The following FUT8 variants were observed in gnomAD, a reference collection of about 807,000 sequenced individuals.
FUT8 encodes alpha-(1,6)-fucosyltransferase.
FUT8 carries 29 observed loss-of-function variants against 71.3 expected under a neutral mutation model. The ratio of observed to expected loss-of-function variants is 0.41; its 90% CI spans 0.30 to 0.55. The LOEUF is 0.55. Ranked by LOEUF, FUT8 falls within the 20% of genes least tolerant of loss-of-function variation. The pLI is 0.34. For synonymous variants in FUT8, 254 were observed against 239.3 expected (o/e 1.06, Z -0.57); for missense variants, 544 against 702.1 (o/e 0.77, Z 2.55).
intron 3 of FUT8, among the ~76,000 whole-genome samples, chr14:65,581,111 A>T (rs1887067674): frequency 6.6e-6 from 1 of 152,000 alleles, no homozygotes; most frequent in South Asian, 2.1e-4. Context: ...TGCCTTTGGG[A>T]TGTAGGTGTT....
At chr14:65,570,316 TAGCTAGTTCAG>T (rs1249236445) in intron 3 of FUT8, among the ~76,000 whole-genome samples, 5 of 152,086 alleles carry the variant, frequency 3.3e-5, no homozygotes, top group Non-Finnish European at 5.9e-5. Context: ...AGTAAGAACA[TAGCTAGTTCAG>T]CCTGCTCTGG....
the FUT8 span, among the ~76,000 whole-genome samples, chr14:65,371,910 G>GTA: frequency 0.067 from 10,213 of 151,658 alleles, 1,086 homozygotes; most frequent in African/African-American, 0.23. Context: ...AGGAATGTAT[G>GTA]TATATATATA....
At chr14:65,704,842 C>T (rs1894479431) in intron 7 of FUT8, among the ~76,000 whole-genome samples, 2 of 152,196 alleles carry the variant, frequency 1.3e-5, no homozygotes, top group South Asian at 4.1e-4. Flanking sequence ...CTGCATAACT[C>T]ACTAAGATAT....
chr14:65,693,983 T>G (rs755014388), intron 7 of FUT8, among the ~76,000 whole-genome samples: 3 of 152,248 alleles, frequency 2.0e-5, no homozygotes, highest in Admixed American at 6.5e-5. Context: ...TACAGTGTTA[T>G]CCATAATATT....
chr14:65,364,459 TC>T, the FUT8 span, among the ~76,000 whole-genome samples: 1 of 152,172 alleles, frequency 6.6e-6, no homozygotes, highest in Non-Finnish European at 1.5e-5. Flanking sequence ...CGCCTCGGCC[TC>T]CCAAAGTGCT....
chr14:65,437,182 A>G (rs1220675029), intron 1 of FUT8, among the ~76,000 whole-genome samples: 2 of 152,214 alleles, frequency 1.3e-5, no homozygotes, highest in Admixed American at 6.5e-5. Context: ...TCAAGTTGCA[A>G]CTGCTTTTAC....
At chr14:65,412,647 T>C (rs924622928), upstream of FUT8, 7 of 222,682 alleles carry the variant, frequency 3.1e-5, no homozygotes, top group Non-Finnish European at 6.4e-5. Context: ...CCCTGGCACA[T>C]GCCAGGGTCG....
At chr14:65,372,169 T>C in the FUT8 span, among the ~76,000 whole-genome samples, 1 of 151,542 alleles carries the variant, frequency 6.6e-6, no homozygotes, top group Admixed American at 6.6e-5. Context: ...CCTCCTCCCC[T>C]ACACAAATTC....
At chr14:65,654,205 G>A (rs1388558412) in intron 6 of FUT8, among the ~76,000 whole-genome samples, 1 of 152,154 alleles carries the variant, frequency 6.6e-6, no homozygotes, top group African/African-American at 2.4e-5. Context: ...AAGTAGGAAG[G>A]TTTCTGCATT....
At chr14:65,686,112 C>T (rs1198443944) in intron 7 of FUT8, among the ~76,000 whole-genome samples, 3 of 152,136 alleles carry the variant, frequency 2.0e-5, no homozygotes, top group Non-Finnish European at 4.4e-5. Flanking sequence ...ACAGAGGCCA[C>T]AGAAATGATG....
intron 2 of FUT8, among the ~76,000 whole-genome samples, chr14:65,507,041 C>T (rs893399658): frequency 6.6e-6 from 1 of 152,054 alleles, no homozygotes; most frequent in African/African-American, 2.4e-5. Flanking sequence ...TGCATTTATG[C>T]GGTAAGATTA....
At position 65,692,778 on chromosome 14, in the gene FUT8, T is replaced by C. The variant is rs1195087267; in HGVS notation, c.835+23298T>C. On this transcript the variant is annotated intron_variant, in intron 7 of 10. Transcript: ENST00000673929. ...GGTGGTTGCCGGGCAGAGGGTCTCC[T>C]CACTTCTCAGAGGGGGCGGCCGGGC... Among the ~76,000 whole-genome samples, 44 of 146,786 alleles carry C rather than the reference T, an allele frequency of 3.0e-4. 1 individual carries two copies. Among genetic ancestry groups the C allele is most frequent in the Non-Finnish European group, 6.0e-4 (40 of 67,140 alleles).
intron 6 of FUT8, among the ~76,000 whole-genome samples, chr14:65,629,964 A>G (rs937620749): frequency 1.7e-4 from 26 of 152,336 alleles, no homozygotes; most frequent in African/African-American, 5.3e-4. Flanking sequence ...TAGAGAATGT[A>G]TTGTTTGAAG....
At chr14:65,615,886 G>T in intron 3 of FUT8, 92 bp from the exon 4 acceptor site, 1 of 833,902 alleles carries the variant, frequency 1.2e-6, no homozygotes, top group Non-Finnish European at 1.9e-6. Flanking sequence ...ACAACTTATG[G>T]AGTTTACAGT....
rs140363454 is a variant in FUT8, at chr14:65,691,664, G to A, written c.835+22184G>A. On this transcript the variant is annotated intron_variant, in intron 7 of 10. Coordinates refer to ENST00000673929, the MANE Select transcript of FUT8 (RefSeq NM_001371533.1). Reference sequence around the variant, plus strand: ...TTTCTCGCAGAGGGGGATTTGGCAGGGTCATAGGACAATAGTGGAGGGAAG... The same window carrying A: ...TTTCTCGCAGAGGGGGATTTGGCAGAGTCATAGGACAATAGTGGAGGGAAG... 3.6e-3 allele frequency among the ~76,000 whole-genome samples: 550 copies of A among 151,934 alleles called. 3 individuals are homozygous for A. Among genetic ancestry groups the A allele is most frequent in the African/African-American group, 0.012 (502 of 41,396 alleles).
intron 7 of FUT8, among the ~76,000 whole-genome samples, chr14:65,676,569 A>G (rs894698739): frequency 1.3e-5 from 2 of 152,066 alleles, no homozygotes; most frequent in Non-Finnish European, 2.9e-5. Flanking sequence ...TTCTAATAGG[A>G]GCTAGTAGTC....
chr14:65,661,666 A>C (rs899564906), intron 6 of FUT8, among the ~76,000 whole-genome samples: 1 of 152,208 alleles, frequency 6.6e-6, no homozygotes, highest in Non-Finnish European at 1.5e-5. Context: ...ATAAGCCACA[A>C]AATCAGTACT....
intron 10 of FUT8, among the ~76,000 whole-genome samples, chr14:65,734,522 A>G (rs1221306971): frequency 6.6e-6 from 1 of 152,170 alleles, no homozygotes; most frequent in Non-Finnish European, 1.5e-5. Flanking sequence ...AGAAGGGAAA[A>G]TGTCTTCAAG....
At chr14:65,441,479 A>T (rs1189349165) in intron 1 of FUT8, among the ~76,000 whole-genome samples, 2 of 152,068 alleles carry the variant, frequency 1.3e-5, no homozygotes, top group Non-Finnish European at 2.9e-5. Context: ...GGTAGTTTAC[A>T]CCTTTAATCC....
Sources: allele counts gnomAD v4.1 joint callset (sites outside exome capture counted in the v4.1 genomes callset), GRCh38; gene constraint gnomAD v4.1.1; transcripts MANE v1.5; gene names NCBI Gene and HGNC (gene_info 2026-07-23, HGNC 2026-07-21).